Variants in CCDC142 observed in about 807,000 individuals in gnomAD.
The protein encoded by CCDC142 is coiled-coil domain containing 142, also known as coiled-coil domain-containing protein 142.
Under a neutral mutation model 83.8 loss-of-function variants are expected in CCDC142, and 67 were observed. The ratio of observed to expected loss-of-function variants is 0.80; its 90% confidence interval spans 0.66 to 0.98. CCDC142 has a LOEUF of 0.98. Among genes scored for constraint, CCDC142 ranks in the 50% least tolerant of loss-of-function variants. The pLI is 0.00. For synonymous variants in CCDC142, 421 were observed against 421.2 expected, an observed-to-expected ratio of 1.00 and a Z score of 0.01; for missense variants, 905 against 946.8, an observed-to-expected ratio of 0.96 and a Z score of 0.58.
chr2:74,481,418 A>C, intron 2 of CCDC142, 34 bp downstream of exon 2: 1 of 1,613,914 alleles, frequency 6.2e-7, no homozygotes, highest in Non-Finnish European at 8.5e-7. Context: ...GTAACCTGGG[A>C]CTTATGTCAC....
Position 74,472,912 on chromosome 2 carries a change from C to T in CCDC142, c.*1634G>A, listed in dbSNP as rs1672223838. 5.4e-6 allele frequency: 3 copies of T among 556,272 alleles called. No individual in the cohort carries two copies. Among genetic ancestry groups the T allele is most frequent in the Non-Finnish European group, 9.6e-6 (3 of 311,224 alleles). 34.5% of individuals were successfully genotyped at this position (556,272 alleles called of 1,614,324 possible). On this transcript the variant is annotated 3_prime_UTR_variant, in exon 9 of 9. Coordinates refer to ENST00000393965, the MANE Select transcript of CCDC142 (RefSeq NM_001365575.2). Reference sequence around the variant, plus strand: ...TATCATGAATAGTCCTCTCATACGACGGTGAAAACCATAAATAAATGGCGC... The same window carrying T: ...TATCATGAATAGTCCTCTCATACGATGGTGAAAACCATAAATAAATGGCGC...
chr2:74,481,189 G>T (rs746920628), intron 3 of CCDC142, 34 bp downstream of exon 3: 1 of 1,613,376 alleles, frequency 6.2e-7, no homozygotes, highest in South Asian at 1.1e-5. Context: ...ATCCTCAACT[G>T]CTCTGTGTCC....
intron 5 of CCDC142, among the ~76,000 whole-genome samples, chr2:74,478,614 C>T (rs1435290183): frequency 2.6e-5 from 4 of 151,152 alleles, no homozygotes; most frequent in East Asian, 2.0e-4. Flanking sequence ...TGACCTCAGG[C>T]GATCCACCCA....
Position 74,475,719 on chromosome 2 carries a change from G to C in CCDC142, c.1511C>G (p.Pro504Arg). ...QKLTAQIQLL[P>R]EESLSVFSQE... is the part of the protein sequence containing the mutation. ...AGAAAAGACACTTAGTGACTCTTCA[G>C]GCAGGAGCTGTAGGGATAGGGAGAA... is the stretch of plus-strand genomic sequence containing the variant. Residue 504 changes from proline to arginine, a missense_variant, in exon 6 of 9, where the codon CCT (proline) becomes CGT (arginine). By Grantham distance (103) the Pro-to-Arg change is moderately radical. Coordinates refer to ENST00000393965, the MANE Select transcript of CCDC142 (RefSeq NM_001365575.2). 1 of 1,608,358 alleles carries C rather than the reference G, an allele frequency of 6.2e-7. No homozygotes were observed.
chr2:74,482,128 CG>C lies in CCDC142; in HGVS notation c.709del (p.Arg237AlafsTer3), dbSNP rs1343922583. 6.2e-7 allele frequency: 1 copy of C among 1,613,630 alleles called. No homozygotes were observed. The highest frequency in any genetic ancestry group is 2.2e-5 in the East Asian group (1 of 44,892). On this transcript the variant is annotated frameshift_variant, in exon 1 of 9. Transcript: ENST00000393965. LOFTEE classifies it high-confidence loss of function. The surrounding 1 kb of genome is among the most constrained non-coding windows in gnomAD (Gnocchi z 5.0). ...ARPFPTSRVL[R>X]LLTGERGCQV... ...GCAACCCCGCTCCCCCGTCAAGAGG[CG>C]GAGCACACGGGACGTGGGGAAAGGA...
chr2:74,480,020 T>C (rs561555577), intron 5 of CCDC142, among the ~76,000 whole-genome samples: 1 of 152,200 alleles, frequency 6.6e-6, no homozygotes, highest in Non-Finnish European at 1.5e-5. Flanking sequence ...TGAAGGCAAG[T>C]TTTTCTTCAT....
At position 74,481,968 on chromosome 2, in the gene CCDC142, G is replaced by A. The variant is rs576238485; in HGVS notation, c.870C>T (p.Ser290=). The part of the protein sequence containing the change: ...GLVGGVAGSA[S]CGLGLGGAGA... ...CAGCCCCTCCGAGCCCTAGTCCACAGCTGGCTGAACCCGCCACGCCCCCGA... is the reference window on the plus strand; with the variant it reads ...CAGCCCCTCCGAGCCCTAGTCCACAACTGGCTGAACCCGCCACGCCCCCGA... The change falls in exon 1 of 9, where the codon AGC becomes AGT. Residue 290 remains serine, a synonymous_variant. Coordinates refer to ENST00000393965, the MANE Select transcript of CCDC142 (RefSeq NM_001365575.2). The A allele has an allele frequency of 6.2e-7, 1 of 1,613,772 alleles. No homozygotes were observed. Among genetic ancestry groups the A allele is most frequent in the Admixed American group, 1.7e-5 (1 of 60,028 alleles).
At position 74,482,385 on chromosome 2, in the gene CCDC142, C is replaced by T. The variant is rs777804787; in HGVS notation, c.453G>A (p.Gly151=). 2 of 1,576,924 alleles carry T rather than the reference C, an allele frequency of 1.3e-6. No individual in the cohort carries two copies. The highest frequency in any genetic ancestry group is 2.7e-5 in the African/African-American group (2 of 74,660). ...CCCCAGGGCCGATTCGCAGAACCGC[C>T]CCTTGGGAAGGGTGCAGCTGCAGGT... ...CRDLQLHPSQ[G]AVLRIGPGET... The change falls in exon 1 of 9, where the codon GGG becomes GGA. Residue 151 remains glycine, a synonymous_variant. Transcript: ENST00000393965. The surrounding 1 kb of genome is among the most constrained non-coding windows in gnomAD (Gnocchi z 5.0).
chr2:74,479,107 T>C (rs980939569), intron 5 of CCDC142, among the ~76,000 whole-genome samples: 5 of 150,394 alleles, frequency 3.3e-5, no homozygotes, highest in South Asian at 2.1e-4. Flanking sequence ...GGTGGGAGGA[T>C]TGCTTGAGCC....
intron 5 of CCDC142, among the ~76,000 whole-genome samples, chr2:74,476,101 A>G (rs903309146): frequency 1.6e-5 from 2 of 123,364 alleles, no homozygotes; most frequent in Non-Finnish European, 3.5e-5. Context: ...ACACACACAC[A>G]CAGAGCATAT....
At chr2:74,478,542 C>T (rs1015896733) in intron 5 of CCDC142, among the ~76,000 whole-genome samples, 1 of 151,526 alleles carries the variant, frequency 6.6e-6, no homozygotes, top group African/African-American at 2.4e-5. Flanking sequence ...ATACCGGCTA[C>T]TTTTTTGTAT....
intron 5 of CCDC142, among the ~76,000 whole-genome samples, chr2:74,478,131 G>A (rs1202730743): frequency 1.4e-5 from 2 of 147,536 alleles, no homozygotes; most frequent in Admixed American, 6.8e-5. Context: ...GCACGCTCTC[G>A]ACTCACTGGA....
In CCDC142 at chr2:74,482,458, G is replaced by C; in HGVS notation, c.380C>G (p.Pro127Arg). 6.4e-7 allele frequency: 1 copy of C among 1,551,686 alleles called. No homozygotes were observed. Among genetic ancestry groups the C allele is most frequent in the Non-Finnish European group, 8.7e-7 (1 of 1,146,626 alleles). The part of the protein sequence containing the change: ...SAVRLMKTLS[P>R]GSPSGGPSPL... ...GCTAGGGCCGCCGGATGGCGAGCCA[G>C]GACTCAGGGTCTTCATGAGTCGCAC... The change falls in exon 1 of 9, where the codon CCT becomes CGT. Residue 127 changes from proline (P) to arginine (R), a missense_variant. By Grantham distance (103) the Pro-to-Arg change is moderately radical. Coordinates refer to ENST00000393965, the MANE Select transcript of CCDC142 (RefSeq NM_001365575.2). This position sits in a 1 kb window ranked among gnomAD's most constrained non-coding sequence, Gnocchi z 5.0.
rs1390431594 is a variant in CCDC142 at position 74,480,943 on chromosome 2, C to A, written c.1389+13G>T. ...GCTCAGGCTGCTCCCCTCCCTACTC[C>A]CCAGCCACTCACAGGTAAGTCCTTT... On this transcript the variant is annotated intron_variant, in intron 4 of 8. Coordinates refer to ENST00000393965, the MANE Select transcript of CCDC142 (RefSeq NM_001365575.2). 3.1e-6 allele frequency: 5 copies of A among 1,613,424 alleles called. No individual in the cohort carries two copies. The East Asian group carries it at 8.9e-5, about 29-fold the overall frequency.
chr2:74,480,764 C>G lies in CCDC142; in HGVS notation c.1503+5G>C, dbSNP rs1170873298. 6.2e-7 allele frequency: 1 copy of G among 1,604,910 alleles called. No individual in the cohort carries two copies. Among genetic ancestry groups the G allele is most frequent in the African/African-American group, 1.3e-5 (1 of 74,734 alleles). ...CACTGCCACTGTTGAGGCCCCTGTT[C>G]TCACCTGGATCTGTGCAGTCAGCTT... On this transcript the variant is annotated splice_donor_5th_base_variant and intron_variant, in intron 5 of 8. Coordinates refer to ENST00000393965, the MANE Select transcript of CCDC142 (RefSeq NM_001365575.2).
At chr2:74,475,138 G>T (rs2104007094) in intron 7 of CCDC142, 23 bp from the exon 8 acceptor site, 1 of 1,610,490 alleles carries the variant, frequency 6.2e-7, no homozygotes, top group South Asian at 1.1e-5. Flanking sequence ...GTACAGTATG[G>T]CCACTTGACC....
chr2:74,482,443 C>A lies in CCDC142; in HGVS notation c.395G>T (p.Gly132Val). ...MKTLSPGSPS[G>V]GPSPLPQWCR... ...CCACTGGGGCAAGGGGCTAGGGCCG[C>A]CGGATGGCGAGCCAGGACTCAGGGT... Residue 132 changes from glycine (G) to valine (V), a missense_variant, in exon 1 of 9, where the codon GGC (glycine) becomes GTC (valine). Physicochemically the swap from Gly to Val is moderately radical, Grantham distance 109. Around this residue, in one of 3 missense-constraint regions of CCDC142, gnomAD observed 591 missense variants for 571.4 expected, o/e 1.03. Transcript: ENST00000393965. This position sits in a 1 kb window ranked among gnomAD's most constrained non-coding sequence, Gnocchi z 5.0. 1 of 1,553,606 alleles carries A rather than the reference C, an allele frequency of 6.4e-7. No homozygotes were observed. Among genetic ancestry groups the A allele is most frequent in the Non-Finnish European group, 8.7e-7 (1 of 1,148,218 alleles).
rs1055619986 is a variant in CCDC142, at chr2:74,473,495, T to C, written c.*1051A>G. ...GCCACCACGCCCGGCTAATTTTTTG[T>C]ATTTTTAGTAGAGGCGGGGTTTCAC... On this transcript the variant is annotated 3_prime_UTR_variant, in exon 9 of 9. Coordinates refer to ENST00000393965, the MANE Select transcript of CCDC142 (RefSeq NM_001365575.2). 2.6e-5 allele frequency among the ~76,000 whole-genome samples: 4 copies of C among 152,102 alleles called. No homozygotes were observed. Among genetic ancestry groups the C allele is most frequent in the African/African-American group, 9.7e-5 (4 of 41,434 alleles).
Position 74,482,660 on chromosome 2 carries a change from G to A in CCDC142, c.178C>T (p.Pro60Ser). The change falls in exon 1 of 9, where the codon CCG becomes TCG. Residue 60 changes from proline to serine, a missense_variant. Coordinates refer to ENST00000393965, the MANE Select transcript of CCDC142 (RefSeq NM_001365575.2). This position sits in a 1 kb window ranked among gnomAD's most constrained non-coding sequence, Gnocchi z 5.0. ...TSGGTPWWPT[P>S]ADVSEDYEAD... ...TCGTAGTCCTCGCTCACATCCGCCG[G>A]CGTCGGCCACCACGGCGTCCCTCCA... 4 of 1,611,456 alleles carry A rather than the reference G, an allele frequency of 2.5e-6. No homozygotes were observed. Among genetic ancestry groups the A allele is most frequent in the Middle Eastern group, 1.6e-4 (1 of 6,062 alleles).
Sources: gnomAD v4.1 joint callset for allele counts (sites outside exome capture counted in the v4.1 genomes callset) on GRCh38, gnomAD v4.1.1 for gene constraint, gnomAD v4.1.1 regional missense constraint, Gnocchi (gnomAD v3.1) non-coding constraint, MANE v1.5 for transcripts, NCBI Gene and HGNC (gene_info 2026-07-23, HGNC 2026-07-21) for gene names.